The following COQ6 variants were observed in gnomAD, a reference collection of about 807,000 sequenced individuals.
The protein encoded by COQ6 is coenzyme Q6, monooxygenase, also known as ubiquinone biosynthesis monooxygenase COQ6, mitochondrial.
COQ6 carries 45 observed loss-of-function variants against 55.5 expected under a neutral mutation model. That is an observed-to-expected ratio of 0.81 (90% CI 0.64 to 1.04). The LOEUF (loss-of-function observed/expected upper bound fraction) is 1.04, where lower values mean the gene tolerates loss of function less well. Ranked by LOEUF, COQ6 falls within the 50% of genes least tolerant of loss-of-function variation. The pLI is 0.00. For synonymous variants in COQ6, 206 were observed against 230.5 expected, an observed-to-expected ratio of 0.89 and a Z score of 0.96; for missense variants, 550 against 601.3, an observed-to-expected ratio of 0.91 and a Z score of 0.89.
chr14:73,952,821 G>A (rs533320316), intron 1 of COQ6, among the ~76,000 whole-genome samples: 1 of 152,142 alleles, frequency 6.6e-6, no homozygotes, highest in Non-Finnish European at 1.5e-5. Context: ...GATTACAGGT[G>A]CCCGCCATCA....
At chr14:73,957,942 T>C in intron 4 of COQ6, 1 of 551,424 alleles carries the variant, frequency 1.8e-6, no homozygotes, top group Non-Finnish European at 3.3e-6. Context: ...CACTGAGAAC[T>C]TCAATGTCTT....
chr14:73,958,097 C>T (rs749308575), intron 4 of COQ6, 50 bp from the exon 5 acceptor site: 3 of 1,471,632 alleles, frequency 2.0e-6, no homozygotes, highest in East Asian at 4.5e-5. Flanking sequence ...TTTCCTCAGC[C>T]TATGTGGCCC....
In COQ6 at chr14:73,963,279, T is replaced by C; in HGVS notation, c.*280T>C. Reference sequence around the variant, plus strand: ...ACTAAAAAACCCACAAGGTGCTGTCTCACTCATTTCCAGTTAATCATTTCT... The same window carrying C: ...ACTAAAAAACCCACAAGGTGCTGTCCCACTCATTTCCAGTTAATCATTTCT... On this transcript the variant is annotated 3_prime_UTR_variant, in exon 12 of 12. Coordinates refer to ENST00000334571, the MANE Select transcript of COQ6 (RefSeq NM_182476.3). The C allele has an allele frequency of 3.8e-6, 2 of 519,784 alleles. No individual in the cohort carries two copies. Among genetic ancestry groups the C allele is most frequent in the South Asian group, 6.5e-5 (2 of 30,892 alleles). 32.2% of individuals were successfully genotyped at this position (519,784 alleles called of 1,614,324 possible). A position where few individuals can be genotyped will look rare whatever the true frequency, so the allele number is the denominator to read the frequency against.
At chr14:73,950,897 T>A (rs1010718445) in intron 1 of COQ6, among the ~76,000 whole-genome samples, 1 of 152,254 alleles carries the variant, frequency 6.6e-6, no homozygotes, top group South Asian at 2.1e-4. Context: ...TATCCTTTCA[T>A]ATGTTTATTG....
intron 8 of COQ6, chr14:73,960,216 T>C (rs1463766578): frequency 3.2e-5 from 32 of 987,522 alleles, no homozygotes; most frequent in Non-Finnish European, 3.8e-5. Context: ...AAGAGTAAGC[T>C]TAGTAGATAG....
intron 4 of COQ6, among the ~76,000 whole-genome samples, chr14:73,957,131 T>C (rs2140389027): frequency 6.6e-6 from 1 of 151,634 alleles, no homozygotes; most frequent in Non-Finnish European, 1.5e-5. Flanking sequence ...GGAGTCTCGC[T>C]CTGTCGCCCA....
At chr14:73,950,611 T>TCTCCC (rs2056150889) in intron 1 of COQ6, 116 bp downstream of exon 1, 2 of 1,428,666 alleles carry the variant, frequency 1.4e-6, no homozygotes, top group Non-Finnish European at 1.9e-6. Flanking sequence ...TCGCGACGCT[T>TCTCCC]CTCCCCTCCC....
In COQ6 at chr14:73,963,332, T is replaced by C. The variant is rs1417676119; in HGVS notation, c.*333T>C. 2 of 440,426 alleles carry C rather than the reference T, an allele frequency of 4.5e-6. No individual in the cohort carries two copies. Among genetic ancestry groups the C allele is most frequent in the Non-Finnish European group, 8.0e-6 (2 of 250,572 alleles). 27.3% of individuals were successfully genotyped at this position (440,426 alleles called of 1,614,324 possible). ...AGAGAAAATTTACATTTTGTTTTTGTTTTAATGTTGGTCATAAATTTATAC... is the reference window on the plus strand; with the variant it reads ...AGAGAAAATTTACATTTTGTTTTTGCTTTAATGTTGGTCATAAATTTATAC... On this transcript the variant is annotated 3_prime_UTR_variant, in exon 12 of 12. Transcript: ENST00000334571.
Position 73,963,080 on chromosome 14 carries a change from T to C in COQ6, c.*81T>C. ...CCCATCATACATATTTTCAAGATCT[T>C]ATTTAATTTAATAAACTTACTTTAC... On this transcript the variant is annotated 3_prime_UTR_variant, in exon 12 of 12. Coordinates refer to ENST00000334571, the MANE Select transcript of COQ6 (RefSeq NM_182476.3). 8.7e-7 allele frequency: 1 copy of C among 1,154,930 alleles called. No homozygotes were observed. The highest frequency in any genetic ancestry group is 1.3e-6 in the Non-Finnish European group (1 of 764,114). The allele number at this position is 1,154,930 out of a possible 1,614,324, so 71.5% of individuals were successfully genotyped here.
At chr14:73,953,663 A>G in intron 2 of COQ6, 94 bp downstream of exon 2, 2 of 1,528,712 alleles carry the variant, frequency 1.3e-6, no homozygotes, top group Non-Finnish European at 1.8e-6. Flanking sequence ...GCATCTGACA[A>G]GGAGGGAGCT....
At chr14:73,959,254 C>T in intron 7 of COQ6, 30 bp downstream of exon 7, 1 of 1,614,254 alleles carries the variant, frequency 6.2e-7, no homozygotes, top group Non-Finnish European at 8.5e-7. Context: ...AGTCCGCCCA[C>T]ATGCATGCAA....
intron 8 of COQ6, 121 bp downstream of exon 8, chr14:73,959,643 CTG>C (rs1295303731): frequency 3.2e-6 from 5 of 1,539,886 alleles, no homozygotes; most frequent in Admixed American, 1.9e-5. Context: ...TCTTGGCTCA[CTG>C]TGCAATCTCC....
At chr14:73,957,097 TATTA>T (rs779600647) in intron 4 of COQ6, among the ~76,000 whole-genome samples, 3 of 125,688 alleles carry the variant, frequency 2.4e-5, no homozygotes, top group East Asian at 2.0e-4. Flanking sequence ...TTATTATTAT[TATTA>T]TTTTTTTTTT....
intron 8 of COQ6, chr14:73,960,852 A>C (rs2056687359): frequency 2.3e-6 from 1 of 433,076 alleles, no homozygotes; most frequent in Non-Finnish European, 4.3e-6. Context: ...TAAGCAGAGG[A>C]GAGTCATGGA....
chr14:73,950,198 C>G, upstream of COQ6: 1 of 1,548,392 alleles, frequency 6.5e-7, no homozygotes, highest in Non-Finnish European at 8.7e-7. Flanking sequence ...TTCCGATTGG[C>G]CTATTTTCTC....
intron 11 of COQ6, 53 bp downstream of exon 11, chr14:73,961,956 C>G: frequency 6.3e-7 from 1 of 1,599,534 alleles, no homozygotes. Context: ...ATTTCTTTTG[C>G]TTTTTTTTGA....
chr14:73,955,630 G>A (rs758492591), intron 3 of COQ6, 121 bp downstream of exon 3: 18 of 1,347,120 alleles, frequency 1.3e-5, no homozygotes, highest in African/African-American at 7.2e-5. Context: ...CATTCAGTCC[G>A]AGGAAGTGGG....
chr14:73,950,347 T>C lies in COQ6; in HGVS notation c.15T>C (p.Leu5=). The C allele has an allele frequency of 6.4e-7, 1 of 1,554,042 alleles. No individual in the cohort carries two copies. Among genetic ancestry groups the C allele is most frequent in the Non-Finnish European group, 8.7e-7 (1 of 1,152,332 alleles). MAAR[L]VSRCGAVRAA... ...AGGTCTGCACCATGGCGGCCCGGCT[T>C]GTCAGCCGATGCGGGGCTGTGCGTG... The change falls in exon 1 of 12, where the codon CTT becomes CTC. Residue 5 remains leucine, a synonymous_variant. Coordinates refer to ENST00000334571, the MANE Select transcript of COQ6 (RefSeq NM_182476.3).
Position 73,963,036 on chromosome 14 carries a change from A to G in COQ6, c.*37A>G, listed in dbSNP as rs773251321. On this transcript the variant is annotated 3_prime_UTR_variant, in exon 12 of 12. Coordinates refer to ENST00000334571, the MANE Select transcript of COQ6 (RefSeq NM_182476.3). ...CTAAAGAAAGATTACGTTGATGAAA[A>G]AGAACATCCTGCCCAGGACCCATCA... 1.9e-5 allele frequency: 28 copies of G among 1,505,686 alleles called. No individual in the cohort carries two copies. The highest frequency in any genetic ancestry group is 2.5e-5 in the Non-Finnish European group (27 of 1,081,244). 93.3% of individuals were successfully genotyped at this position (1,505,686 alleles called of 1,614,324 possible).
Sources: gnomAD v4.1 joint callset for allele counts (sites outside exome capture counted in the v4.1 genomes callset) on GRCh38, gnomAD v4.1.1 for gene constraint, MANE v1.5 for transcripts, NCBI Gene and HGNC (gene_info 2026-07-23, HGNC 2026-07-21) for gene names.